Variants in ARPP21 observed in about 807,000 individuals in gnomAD.
ARPP21 encodes cAMP-regulated phosphoprotein 21.
A neutral mutation model predicts 113.2 loss-of-function variants in ARPP21; 69 were observed. The ratio of observed to expected loss-of-function variants is 0.61; its 90% CI spans 0.50 to 0.74. The LOEUF (loss-of-function observed/expected upper bound fraction) is 0.74. Among genes scored for constraint, ARPP21 ranks in the 30% least tolerant of loss-of-function variants. ARPP21 has a pLI of 0.00. For missense variants in ARPP21, 1,070 were observed against 1,037.4 expected, an observed-to-expected ratio of 1.03 and a Z score of -0.43; for synonymous variants, 368 against 375.5, an observed-to-expected ratio of 0.98 and a Z score of 0.23.
At position 35,737,184 on chromosome 3, in the gene ARPP21, C is replaced by T. The variant is rs778718985; in HGVS notation, c.1466C>T (p.Pro489Leu). 4 of 1,604,850 alleles carry T rather than the reference C, an allele frequency of 2.5e-6. No homozygotes were observed. In the South Asian group the frequency reaches 3.3e-5, roughly 13 times the overall value. ...SILLNPHTGQ[P>L]FVNPDGTPAI... ...AGTTCTGATTCCATTGCAGGCCAGC[C>T]CTTTGTGAATCCCGATGGAACTCCT... The change falls in exon 16 of 21, where the codon CCC becomes CTC. Residue 489 changes from proline (P) to leucine (L), a missense_variant. Coordinates refer to ENST00000684406, the MANE Select transcript of ARPP21 (RefSeq NM_001385562.1).
rs547300409 is a variant in ARPP21, at chr3:35,732,735, A to G, written c.1459+3199A>G. ...TCTGGTGCAAGTTCAAGACTGTGTT[A>G]TATAAAGTCATGCCATTTGCAGTGA... On this transcript the variant is annotated intron_variant, in intron 15 of 20. Transcript: ENST00000684406. Among the ~76,000 whole-genome samples, 137 of 152,378 alleles carry G rather than the reference A, an allele frequency of 9.0e-4. 1 individual carries two copies. In the South Asian group the frequency reaches 0.028, roughly 32 times the overall value.
At chr3:35,708,884 T>C (rs543036723) in intron 10 of ARPP21, 85 bp from the exon 11 acceptor site, 144 of 863,152 alleles carry the variant, frequency 1.7e-4, no homozygotes, top group Admixed American at 3.9e-4. Context: ...AGTGAACATT[T>C]ATTATTCTTA....
chr3:35,744,008 T>C (rs1277474635), intron 19 of ARPP21, 43 bp downstream of exon 19: 2 of 1,611,530 alleles, frequency 1.2e-6, no homozygotes, highest in South Asian at 1.1e-5. Flanking sequence ...ACCCAGTTAT[T>C]TTTGCTGGTG....
intron 19 of ARPP21, among the ~76,000 whole-genome samples, chr3:35,777,091 C>T (rs942059118): frequency 9.2e-5 from 14 of 152,102 alleles, no homozygotes; most frequent in Non-Finnish European, 2.1e-4. Context: ...AGTGTGGAAG[C>T]CGTAGAAGGA....
At chr3:35,774,999 G>A (rs2096313159) in intron 19 of ARPP21, 1 of 152,094 alleles carries the variant, frequency 6.6e-6, no homozygotes, top group Non-Finnish European at 1.5e-5. Flanking sequence ...GTTTCTGGGA[G>A]TTTCTGCTGT....
chr3:35,777,093 G>A (rs547550043), intron 19 of ARPP21, among the ~76,000 whole-genome samples: 3 of 152,162 alleles, frequency 2.0e-5, no homozygotes, highest in Non-Finnish European at 2.9e-5. Flanking sequence ...TGTGGAAGCC[G>A]TAGAAGGAGC....
In ARPP21 at chr3:35,681,790, G is replaced by C; in HGVS notation, c.39G>C (p.Glu13Asp). ...EQGDLNQAIA[E>D]EGGTEQETAT... is the part of the protein sequence containing the mutation. ...GAGACCTGAATCAGGCAATAGCAGAGGAAGGAGGGACTGAGCAGGAGACGG... is the reference window on the plus strand; with the variant it reads ...GAGACCTGAATCAGGCAATAGCAGACGAAGGAGGGACTGAGCAGGAGACGG... The change falls in exon 3 of 21, where the codon GAG (glutamate) becomes GAC (aspartate). Residue 13 changes from glutamate to aspartate, a missense_variant. By Grantham distance (45) the Glu-to-Asp change is conservative. Coordinates refer to ENST00000684406, the MANE Select transcript of ARPP21 (RefSeq NM_001385562.1). The C allele has an allele frequency of 2.5e-6, 4 of 1,611,754 alleles. No homozygotes were observed. Among genetic ancestry groups the C allele is most frequent in the Non-Finnish European group, 3.4e-6 (4 of 1,178,492 alleles).
At chr3:35,733,698 G>T (rs542261652) in intron 15 of ARPP21, among the ~76,000 whole-genome samples, 4 of 152,264 alleles carry the variant, frequency 2.6e-5, no homozygotes, top group African/African-American at 9.6e-5. Flanking sequence ...TTAGGAAATT[G>T]CTTTTGTTCT....
rs369106158 is a variant in ARPP21, at chr3:35,792,458, C to T, written c.2214C>T (p.Asn738=). 9.0e-5 allele frequency: 145 copies of T among 1,613,770 alleles called. No individual in the cohort carries two copies. Among genetic ancestry groups the T allele is most frequent in the South Asian group, 6.0e-4 (55 of 91,074 alleles). Residue 738 remains asparagine, a synonymous_variant, in exon 20 of 21, where the codon AAC becomes AAT. Coordinates refer to ENST00000684406, the MANE Select transcript of ARPP21 (RefSeq NM_001385562.1). ...TGCAGCAGCCACCTCAGAGTCAGAA[C>T]GTGATAAATAACCAACAAGGAACTC... ...IGVQQPPQSQ[N]VINNQQGTPV...
At chr3:35,696,015 C>T (rs147512926) in intron 9 of ARPP21, among the ~76,000 whole-genome samples, 195 of 151,470 alleles carry the variant, frequency 1.3e-3, no homozygotes, top group African/African-American at 4.3e-3. Context: ...TGGCTGGAGG[C>T]AAATATGGAG....
At position 35,681,784 on chromosome 3, in the gene ARPP21, A is replaced by G. The variant is rs998847256; in HGVS notation, c.33A>G (p.Ile11Met). 9.9e-6 allele frequency: 16 copies of G among 1,611,668 alleles called. No individual in the cohort carries two copies. Among genetic ancestry groups the G allele is most frequent in the Non-Finnish European group, 1.4e-5 (16 of 1,178,406 alleles). Residue 11 changes from isoleucine (I) to methionine (M), a missense_variant, in exon 3 of 21, where the codon ATA becomes ATG. By Grantham distance (10) the Ile-to-Met change is conservative. Coordinates refer to ENST00000684406, the MANE Select transcript of ARPP21 (RefSeq NM_001385562.1). MSEQGDLNQA[I>M]AEEGGTEQET... is the part of the protein sequence containing the mutation. ...AGCAAGGAGACCTGAATCAGGCAAT[A>G]GCAGAGGAAGGAGGGACTGAGCAGG...
intron 19 of ARPP21, among the ~76,000 whole-genome samples, chr3:35,787,609 T>C (rs1288916892): frequency 1.3e-5 from 2 of 152,218 alleles, no homozygotes; most frequent in African/African-American, 4.8e-5. Flanking sequence ...TTGATTCTGA[T>C]AGGCAGTCAT....
At position 35,794,060 on chromosome 3, in the gene ARPP21, A is replaced by C. The variant is rs1395510636; in HGVS notation, c.*102A>C. 10 of 994,612 alleles carry C rather than the reference A, an allele frequency of 1.0e-5. No homozygotes were observed. In the Admixed American group the frequency reaches 1.1e-4, roughly 11 times the overall value. 61.6% of individuals were successfully genotyped at this position (994,612 alleles called of 1,614,324 possible). Reference sequence around the variant, plus strand: ...CTGAGGACTTAAGTATTCACTCAACACTCAAATGATTGCTGCTGGTATTCT... The same window carrying C: ...CTGAGGACTTAAGTATTCACTCAACCCTCAAATGATTGCTGCTGGTATTCT... On this transcript the variant is annotated 3_prime_UTR_variant, in exon 21 of 21. Transcript: ENST00000684406.
chr3:35,780,002 G>A (rs957239706), intron 19 of ARPP21, among the ~76,000 whole-genome samples: 1 of 152,186 alleles, frequency 6.6e-6, no homozygotes, highest in South Asian at 2.1e-4. Flanking sequence ...ATAAGAGAAA[G>A]TAGTTACTGT....
intron 1 of ARPP21, among the ~76,000 whole-genome samples, chr3:35,671,258 C>T (rs373177620): frequency 7.2e-5 from 11 of 152,090 alleles, no homozygotes; most frequent in Admixed American, 1.3e-4. Flanking sequence ...TATTCTCTTG[C>T]GTTTTCCATT....
chr3:35,695,640 C>A (rs934828312), intron 9 of ARPP21, among the ~76,000 whole-genome samples: 1 of 151,472 alleles, frequency 6.6e-6, no homozygotes, highest in Non-Finnish European at 1.5e-5. Context: ...CCTGCCCATC[C>A]ATTTCATGGT....
At chr3:35,750,846 A>G (rs1298059549) in intron 19 of ARPP21, among the ~76,000 whole-genome samples, 1 of 152,224 alleles carries the variant, frequency 6.6e-6, no homozygotes, top group African/African-American at 2.4e-5. Context: ...TTAACATTTC[A>G]TAAAAATAGT....
At chr3:35,665,961 C>G (rs1054748844) in intron 1 of ARPP21, among the ~76,000 whole-genome samples, 10 of 152,192 alleles carry the variant, frequency 6.6e-5, no homozygotes, top group Admixed American at 2.0e-4. Flanking sequence ...ACACCCAGAT[C>G]ATTGCTCACT....
At chr3:35,790,421 A>T (rs552192000) in intron 19 of ARPP21, among the ~76,000 whole-genome samples, 1 of 152,344 alleles carries the variant, frequency 6.6e-6, no homozygotes, top group East Asian at 1.9e-4. Flanking sequence ...ATAAAATGGT[A>T]AAATAGCCAC....
Sources: gnomAD v4.1 joint callset for allele counts (sites outside exome capture counted in the v4.1 genomes callset) on GRCh38, gnomAD v4.1.1 for gene constraint, MANE v1.5 for transcripts, NCBI Gene and HGNC (gene_info 2026-07-23, HGNC 2026-07-21) for gene names.